The following EYS variants were observed in gnomAD, a reference collection of about 807,000 sequenced individuals.
EYS encodes protein eyes shut homolog.
Under a neutral mutation model 282.1 loss-of-function variants are expected in EYS, and 250 were observed. The observed-to-expected ratio is 0.89, with a 90% CI of 0.80 to 0.98. The LOEUF (loss-of-function observed/expected upper bound fraction) is 0.98. Among genes scored for constraint, EYS ranks in the 50% least tolerant of loss-of-function variants. EYS has a pLI of 0.00. For synonymous variants in EYS, 1,355 were observed against 1,282.9 expected (o/e 1.06, Z -1.20); for missense variants, 4,016 against 3,709.0 (o/e 1.08, Z -2.15).
intron 22 of EYS, among the ~76,000 whole-genome samples, chr6:64,689,795 T>A (rs1023176259): frequency 2.0e-5 from 3 of 152,264 alleles, no homozygotes; most frequent in Non-Finnish European, 4.4e-5. Context: ...TGAGACTGGA[T>A]CCCTTCCTTA....
intron 12 of EYS, among the ~76,000 whole-genome samples, chr6:65,081,177 T>TA (rs1207611579): frequency 1.3e-5 from 2 of 152,058 alleles, no homozygotes; most frequent in Non-Finnish European, 2.9e-5. Flanking sequence ...GAAATGAAAA[T>TA]AATATATGTG....
intron 12 of EYS, among the ~76,000 whole-genome samples, chr6:65,235,771 T>A (rs1766907021): frequency 1.3e-5 from 2 of 152,162 alleles, no homozygotes; most frequent in Admixed American, 6.5e-5. Flanking sequence ...AAGCAAAATA[T>A]ATACATTGTA....
chr6:64,052,082 C>G (rs1770827247), intron 33 of EYS, among the ~76,000 whole-genome samples: 2 of 152,040 alleles, frequency 1.3e-5, no homozygotes, highest in African/African-American at 2.4e-5. Flanking sequence ...ACTTTTCAAT[C>G]TTACATTTAA....
intron 19 of EYS, among the ~76,000 whole-genome samples, chr6:64,882,016 A>G (rs1766937303): frequency 6.6e-6 from 1 of 151,794 alleles, no homozygotes; most frequent in African/African-American, 2.4e-5. Flanking sequence ...TAAAAGAGAA[A>G]TGGATTTGCG....
chr6:65,318,646 T>A (rs9354224), intron 11 of EYS, among the ~76,000 whole-genome samples: 66,022 of 145,978 alleles, frequency 0.45, 10,144 homozygotes, highest in East Asian at 0.59. Flanking sequence ...ATATATATAA[T>A]ATATGTATTT....
At chr6:64,035,510 C>T (rs1037774780) in intron 33 of EYS, among the ~76,000 whole-genome samples, 2 of 152,074 alleles carry the variant, frequency 1.3e-5, no homozygotes, top group Admixed American at 6.6e-5. Flanking sequence ...GCAAATACTC[C>T]GATGTTGGTT....
chr6:65,292,685 C>A (rs2150284119), intron 12 of EYS, among the ~76,000 whole-genome samples: 1 of 151,846 alleles, frequency 6.6e-6, no homozygotes, highest in Non-Finnish European at 1.5e-5. Flanking sequence ...ATAACTGGCA[C>A]TGTACAGTGG....
At chr6:64,273,489 T>A (rs1448797515) in intron 30 of EYS, among the ~76,000 whole-genome samples, 1 of 152,172 alleles carries the variant, frequency 6.6e-6, no homozygotes, top group African/African-American at 2.4e-5. Context: ...TGTTTTTCCC[T>A]TTATGGAGTG....
At chr6:64,597,684 A>C (rs554180074) in intron 24 of EYS, among the ~76,000 whole-genome samples, 4 of 151,122 alleles carry the variant, frequency 2.6e-5, no homozygotes, top group African/African-American at 9.7e-5. Flanking sequence ...AGAGTGGAGA[A>C]AAATAAAAAC....
chr6:64,715,304 G>A (rs1044354803), intron 22 of EYS, among the ~76,000 whole-genome samples: 1 of 4,484 alleles, frequency 2.2e-4, no homozygotes, highest in African/African-American at 3.7e-4. Flanking sequence ...CTTACGTCCA[G>A]TCTACTCCAA....
intron 26 of EYS, among the ~76,000 whole-genome samples, chr6:64,554,727 T>C (rs1438757095): frequency 1.3e-5 from 2 of 151,904 alleles, no homozygotes; most frequent in Non-Finnish European, 2.9e-5. Flanking sequence ...AAGATCTGAA[T>C]AGACATTTCT....
intron 36 of EYS, among the ~76,000 whole-genome samples, chr6:63,857,072 A>AG (rs1772412462): frequency 6.6e-6 from 1 of 152,240 alleles, no homozygotes; most frequent in African/African-American, 2.4e-5. Flanking sequence ...CTTACTGAAC[A>AG]TTTCCAGGCT....
At chr6:63,862,775 C>T (rs1170122127) in intron 36 of EYS, among the ~76,000 whole-genome samples, 1 of 152,074 alleles carries the variant, frequency 6.6e-6, no homozygotes. Context: ...TCTATTCAGT[C>T]TATAATGTTT....
At chr6:64,451,512 G>C (rs1163278420) in intron 26 of EYS, among the ~76,000 whole-genome samples, 1 of 152,086 alleles carries the variant, frequency 6.6e-6, no homozygotes, top group Non-Finnish European at 1.5e-5. Flanking sequence ...CATTTTATGA[G>C]GCCAGCATCA....
chr6:64,806,110 G>A (rs1039930455), intron 22 of EYS, among the ~76,000 whole-genome samples: 2 of 151,580 alleles, frequency 1.3e-5, no homozygotes, highest in Non-Finnish European at 3.0e-5. Context: ...TCTCCATGTT[G>A]TGAAGTAATA....
intron 35 of EYS, among the ~76,000 whole-genome samples, chr6:63,950,194 C>A (rs112162373): frequency 1.6e-3 from 215 of 130,542 alleles, no homozygotes; most frequent in Middle Eastern, 3.9e-3. Flanking sequence ...CAAAACAAAA[C>A]AAAAAAAAAA....
chr6:65,370,390 G>A (rs1401457471), intron 8 of EYS, among the ~76,000 whole-genome samples: 1 of 148,228 alleles, frequency 6.7e-6, no homozygotes, highest in Non-Finnish European at 1.5e-5. Context: ...CAAGTAGCCA[G>A]GACTATGGAT....
chr6:64,709,247 C>T (rs1265595389), intron 22 of EYS, among the ~76,000 whole-genome samples: 1 of 151,910 alleles, frequency 6.6e-6, no homozygotes, highest in Non-Finnish European at 1.5e-5. Flanking sequence ...ATGTGAAATC[C>T]TTACAATTGT....
At chr6:64,700,692 A>G (rs1162756407) in intron 22 of EYS, among the ~76,000 whole-genome samples, 2 of 152,004 alleles carry the variant, frequency 1.3e-5, no homozygotes, top group African/African-American at 4.8e-5. Flanking sequence ...CTATAAGGAA[A>G]ATTACATTAC....
Sources: allele counts gnomAD v4.1 joint callset (sites outside exome capture counted in the v4.1 genomes callset), GRCh38; gene constraint gnomAD v4.1.1; transcripts MANE v1.5; gene names NCBI Gene and HGNC (gene_info 2026-07-23, HGNC 2026-07-21).